Variants in PPP2R2D observed in about 807,000 individuals in gnomAD.
PPP2R2D encodes the protein protein phosphatase 2 regulatory subunit Bdelta.
In PPP2R2D, 9 loss-of-function variants were observed where a neutral mutation model predicts 31.1. The observed-to-expected ratio is 0.29, with a 90% CI of 0.17 to 0.51. The LOEUF is 0.51. Among genes scored for constraint, PPP2R2D ranks in the 20% least tolerant of loss-of-function variants. PPP2R2D has a pLI of 0.98. For missense variants in PPP2R2D, 391 were observed against 465.6 expected, an observed-to-expected ratio of 0.84 and a Z score of 1.48; for synonymous variants, 179 against 172.6, an observed-to-expected ratio of 1.04 and a Z score of -0.29.
chr10:131,903,451 A>C (rs2035533166), intron 2 of PPP2R2D, among the ~76,000 whole-genome samples: 1 of 148,356 alleles, frequency 6.7e-6, no homozygotes, highest in South Asian at 2.2e-4. Context: ...TGGACAATAG[A>C]ACAAGGCTCC....
intron 3 of PPP2R2D, among the ~76,000 whole-genome samples, chr10:131,939,161 C>CGACA (rs1564820498): frequency 9.1e-4 from 75 of 82,028 alleles, no homozygotes; most frequent in Non-Finnish European, 1.3e-3. Flanking sequence ...AGGCTGCATT[C>CGACA]GGCAGACCTG....
At chr10:131,948,635 A>G (rs1489525220) in intron 8 of PPP2R2D, among the ~76,000 whole-genome samples, 1 of 152,232 alleles carries the variant, frequency 6.6e-6, no homozygotes, top group Non-Finnish European at 1.5e-5. Flanking sequence ...GAAGGCGTCT[A>G]TTCCGAGAGC....
Position 131,956,628 on chromosome 10 carries a change from G to C in PPP2R2D, c.*665G>C, listed in dbSNP as rs1463526570. The C allele has an allele frequency of 1.1e-6, 1 of 920,392 alleles. No homozygotes were observed. The highest frequency in any genetic ancestry group is 1.3e-6 in the Non-Finnish European group (1 of 770,836). 57.0% of individuals were successfully genotyped at this position (920,392 alleles called of 1,614,324 possible). On this transcript the variant is annotated 3_prime_UTR_variant, in exon 9 of 9. Transcript: ENST00000455566. ...GGTTCTTCTTTGGAACTAACTGTTT[G>C]AGAAATGTGTGTCCTTCTTTGGCAG...
intron 3 of PPP2R2D, 166 bp from the exon 4 acceptor site, chr10:131,939,865 G>A (rs530073161): frequency 1.5e-5 from 6 of 395,280 alleles, no homozygotes; most frequent in South Asian, 8.7e-5. Context: ...AATCAAGTTC[G>A]TTCTTTTTTT....
At position 131,959,499 on chromosome 10, in the gene PPP2R2D, C is replaced by A; in HGVS notation, c.*3536C>A. 6.2e-6 allele frequency: 1 copy of A among 160,532 alleles called. No homozygotes were observed. Among genetic ancestry groups the A allele is most frequent in the Non-Finnish European group, 1.4e-5 (1 of 73,576 alleles). 9.9% of individuals were successfully genotyped at this position (160,532 alleles called of 1,614,324 possible). On this transcript the variant is annotated 3_prime_UTR_variant, in exon 9 of 9. Coordinates refer to ENST00000455566, the MANE Select transcript of PPP2R2D (RefSeq NM_018461.5). ...GGAGATGAAGGTGTGTGTTGATCCC[C>A]CATCCCCCTGTGGAGGTGAAGGTGT...
At chr10:131,944,989 T>A (rs181043680) in intron 6 of PPP2R2D, among the ~76,000 whole-genome samples, 1 of 152,264 alleles carries the variant, frequency 6.6e-6, no homozygotes, top group East Asian at 1.9e-4. Flanking sequence ...ATTTATATGA[T>A]TAAGTATGTA....
chr10:131,935,863 A>G (rs1170713420), intron 3 of PPP2R2D, among the ~76,000 whole-genome samples: 2 of 152,126 alleles, frequency 1.3e-5, no homozygotes, highest in Non-Finnish European at 2.9e-5. Context: ...CGGAAGTTCA[A>G]GACTAGCCTG....
At chr10:131,925,093 T>A (rs2036078057) in intron 2 of PPP2R2D, among the ~76,000 whole-genome samples, 1 of 152,222 alleles carries the variant, frequency 6.6e-6, no homozygotes, top group African/African-American at 2.4e-5. Flanking sequence ...TATAATGCCA[T>A]CTGTGAATAG....
chr10:131,917,999 T>C (rs2035853124), intron 2 of PPP2R2D, among the ~76,000 whole-genome samples: 1 of 136,934 alleles, frequency 7.3e-6, no homozygotes, highest in Non-Finnish European at 1.6e-5. Context: ...TGCAGGGACC[T>C]CACGTGGGTG....
At chr10:131,955,307 A>G (rs2036773093) in intron 8 of PPP2R2D, among the ~76,000 whole-genome samples, 1 of 152,246 alleles carries the variant, frequency 6.6e-6, no homozygotes, top group Non-Finnish European at 1.5e-5. Context: ...GTTGAACATG[A>G]TAAGGATTAT....
At chr10:131,962,251 C>T (rs888486098), downstream of PPP2R2D, among the ~76,000 whole-genome samples, 6 of 152,172 alleles carry the variant, frequency 3.9e-5, no homozygotes, top group African/African-American at 7.2e-5. Context: ...GAACTGAAAC[C>T]GCGTTTCGTG....
At chr10:131,912,317 T>A (rs2035697862) in intron 2 of PPP2R2D, 1 of 152,210 alleles carries the variant, frequency 6.6e-6, no homozygotes. Context: ...GCCTCCTGAG[T>A]AGCTGGAACT....
At chr10:131,932,243 G>A (rs1554895780) in intron 2 of PPP2R2D, among the ~76,000 whole-genome samples, 2 of 152,168 alleles carry the variant, frequency 1.3e-5, no homozygotes, top group East Asian at 3.9e-4. Flanking sequence ...TGGCAGTGGG[G>A]CCTGTCTGGC....
chr10:131,924,566 A>G lies in PPP2R2D; in HGVS notation c.101-9892A>G, dbSNP rs144232433. Among the ~76,000 whole-genome samples the G allele has an allele frequency of 7.9e-3, 1,201 of 152,098 alleles. 8 individuals are homozygous for G. The highest frequency in any genetic ancestry group is 0.013 in the Non-Finnish European group (905 of 67,980). ...CCAATACCATACTGTCTTGGTTACT[A>G]TAGCTTTATGGTAAGGTTTGAAATC... On this transcript the variant is annotated intron_variant, in intron 2 of 8. Coordinates refer to ENST00000455566, the MANE Select transcript of PPP2R2D (RefSeq NM_018461.5).
intron 2 of PPP2R2D, among the ~76,000 whole-genome samples, chr10:131,915,349 C>T (rs930554294): frequency 4.6e-5 from 7 of 152,188 alleles, no homozygotes; most frequent in Middle Eastern, 3.4e-3. Context: ...AACCTGTGTA[C>T]GGGAGGCTCC....
intron 8 of PPP2R2D, among the ~76,000 whole-genome samples, chr10:131,953,382 C>A (rs1158617332): frequency 2.1e-5 from 1 of 48,444 alleles, no homozygotes; most frequent in Admixed American, 3.6e-4. Context: ...CAGTGACTTG[C>A]AGGTGTGTGG....
chr10:131,915,207 C>G (rs1355215792), intron 2 of PPP2R2D, among the ~76,000 whole-genome samples: 3 of 151,600 alleles, frequency 2.0e-5, no homozygotes, highest in Non-Finnish European at 4.4e-5. Context: ...GAAAGCAAAA[C>G]AAAAACTCAG....
intron 3 of PPP2R2D, among the ~76,000 whole-genome samples, chr10:131,937,434 C>T (rs571350969): frequency 6.6e-6 from 1 of 152,224 alleles, no homozygotes; most frequent in African/African-American, 2.4e-5. Flanking sequence ...TCGCTTCCTC[C>T]TCTTCCTGTG....
intron 2 of PPP2R2D, among the ~76,000 whole-genome samples, chr10:131,933,154 A>G (rs1199016901): frequency 1.3e-5 from 2 of 152,212 alleles, no homozygotes; most frequent in African/African-American, 4.8e-5. Flanking sequence ...TTTGAAAAGA[A>G]AGAACTCCCA....
Sources: gnomAD v4.1 joint callset for allele counts (sites outside exome capture counted in the v4.1 genomes callset) on GRCh38, gnomAD v4.1.1 for gene constraint, MANE v1.5 for transcripts, NCBI Gene and HGNC (gene_info 2026-07-23, HGNC 2026-07-21) for gene names.